The following MAP4K4 variants were observed in gnomAD, a reference collection of about 807,000 sequenced individuals.
The protein encoded by MAP4K4 is mitogen-activated protein kinase kinase kinase kinase 4.
In MAP4K4, 38 loss-of-function variants were observed where a neutral mutation model predicts 189.6. The observed-to-expected ratio is 0.20, with a 90% CI of 0.15 to 0.26. The LOEUF (loss-of-function observed/expected upper bound fraction) is 0.26. Among genes scored for constraint, MAP4K4 ranks in the 10% least tolerant of loss-of-function variants. MAP4K4 has a pLI of 1.00. For synonymous variants in MAP4K4, 610 were observed against 624.3 expected, an observed-to-expected ratio of 0.98 and a Z score of 0.34; for missense variants, 1,054 against 1,726.9, an observed-to-expected ratio of 0.61 and a Z score of 6.91.
intron 2 of MAP4K4, among the ~76,000 whole-genome samples, chr2:101,779,182 G>C (rs527358809): frequency 6.6e-6 from 1 of 152,270 alleles, no homozygotes; most frequent in South Asian, 2.1e-4. Flanking sequence ...GAGTGAGAGA[G>C]GAGGTTTGTT....
At chr2:101,852,120 G>A (rs985008486) in intron 12 of MAP4K4, among the ~76,000 whole-genome samples, 1 of 151,560 alleles carries the variant, frequency 6.6e-6, no homozygotes, top group Admixed American at 6.6e-5. Flanking sequence ...TACAATATCT[G>A]GAGGCATAAA....
chr2:101,742,354 A>G (rs769532692), intron 2 of MAP4K4, among the ~76,000 whole-genome samples: 4 of 152,186 alleles, frequency 2.6e-5, no homozygotes, highest in African/African-American at 4.8e-5. Flanking sequence ...TTTTGTCTTC[A>G]GTGGCCTCTT....
exon 17 of MAP4K4, chr2:101,863,908 G>T (rs764086480): frequency 4.4e-6 from 6 of 1,367,624 alleles, no homozygotes; most frequent in Non-Finnish European, 5.9e-6. Flanking sequence ...TCCCAAATTT[G>T]CACACCACCA....
intron 3 of MAP4K4, among the ~76,000 whole-genome samples, chr2:101,822,805 A>G (rs140048810): frequency 9.5e-4 from 145 of 152,326 alleles, no homozygotes; most frequent in African/African-American, 3.4e-3. Context: ...GTCAGTGTAG[A>G]AAAGTAAGGA....
chr2:101,805,692 C>A (rs1361224488), intron 3 of MAP4K4, among the ~76,000 whole-genome samples: 1 of 152,194 alleles, frequency 6.6e-6, no homozygotes, highest in Non-Finnish European at 1.5e-5. Context: ...TATTTTCTGA[C>A]TTAATTGTAT....
At chr2:101,880,705 C>T (rs2150192823) in intron 27 of MAP4K4, among the ~76,000 whole-genome samples, 1 of 152,220 alleles carries the variant, frequency 6.6e-6, no homozygotes, top group East Asian at 1.9e-4. Context: ...GACAGGGTTT[C>T]ACCATGTTGG....
At chr2:101,741,210 C>T (rs1199202019) in intron 2 of MAP4K4, among the ~76,000 whole-genome samples, 5 of 148,100 alleles carry the variant, frequency 3.4e-5, no homozygotes, top group Non-Finnish European at 4.4e-5. Context: ...CTCTGTTGCC[C>T]AGGCTGGAGT....
chr2:101,885,329 A>T (rs1181414253), intron 29 of MAP4K4, 42 bp downstream of exon 29: 1 of 1,163,788 alleles, frequency 8.6e-7, no homozygotes, highest in South Asian at 1.4e-5. Context: ...TTGGCCATTC[A>T]AGCTGCAACC....
intron 16 of MAP4K4, 26 bp from the exon 17 acceptor site, chr2:101,863,795 T>C (rs745474580): frequency 1.5e-6 from 2 of 1,339,418 alleles, no homozygotes; most frequent in South Asian, 2.3e-5. Flanking sequence ...ACGCATTGAA[T>C]GTTTTGTGTT....
chr2:101,807,759 A>T (rs1227389152), intron 3 of MAP4K4, among the ~76,000 whole-genome samples: 1 of 152,104 alleles, frequency 6.6e-6, no homozygotes, highest in Non-Finnish European at 1.5e-5. Flanking sequence ...CAAGATAGAG[A>T]AAGAAAGAGT....
intron 2 of MAP4K4, among the ~76,000 whole-genome samples, chr2:101,744,537 C>T (rs1004732701): frequency 2.0e-5 from 3 of 152,032 alleles, no homozygotes; most frequent in African/African-American, 7.2e-5. Context: ...ATTTGTAGAG[C>T]CTACCTTTTG....
At chr2:101,756,014 C>T (rs796710186) in intron 2 of MAP4K4, among the ~76,000 whole-genome samples, 2 of 137,824 alleles carry the variant, frequency 1.5e-5, no homozygotes, top group South Asian at 2.4e-4. Context: ...GATGTCGGCT[C>T]ACTGCAAGCT....
intron 2 of MAP4K4, among the ~76,000 whole-genome samples, chr2:101,745,575 A>G (rs1293471815): frequency 1.3e-5 from 2 of 152,034 alleles, no homozygotes; most frequent in East Asian, 1.9e-4. Flanking sequence ...GATATGTCCA[A>G]ATTTGAAATG....
intron 5 of MAP4K4, 125 bp downstream of exon 5, chr2:101,825,554 G>C (rs550435751): frequency 1.9e-6 from 1 of 533,584 alleles, no homozygotes; most frequent in South Asian, 3.3e-5. Context: ...TGACAGCCAA[G>C]GGTTCTGTAT....
At chr2:101,892,008 AAAAAAAAG>A (rs1467383916) in exon 33 of MAP4K4, 1 of 150,858 alleles carries the variant, frequency 6.6e-6, no homozygotes, top group Non-Finnish European at 1.5e-5. Flanking sequence ...AAAAAAAAAA[AAAAAAAAG>A]GAAAAAAAAA....
chr2:101,757,860 A>G (rs2073715911), intron 2 of MAP4K4, among the ~76,000 whole-genome samples: 1 of 152,196 alleles, frequency 6.6e-6, no homozygotes, highest in African/African-American at 2.4e-5. Context: ...TCTCTACTAA[A>G]AATAGAAAAA....
At chr2:101,809,607 A>G (rs1425322707) in intron 3 of MAP4K4, among the ~76,000 whole-genome samples, 2 of 152,252 alleles carry the variant, frequency 1.3e-5, no homozygotes, top group African/African-American at 2.4e-5. Context: ...CTTAAGTACT[A>G]TTTGAAACCT....
At chr2:101,732,435 G>A (rs1215848477) in intron 2 of MAP4K4, among the ~76,000 whole-genome samples, 2 of 152,016 alleles carry the variant, frequency 1.3e-5, no homozygotes, top group Non-Finnish European at 1.5e-5. Flanking sequence ...TATAAAATTC[G>A]GGGGAGTTTT....
chr2:101,758,030 CA>C (rs1397137131), intron 2 of MAP4K4, among the ~76,000 whole-genome samples: 2 of 152,084 alleles, frequency 1.3e-5, no homozygotes, highest in Non-Finnish European at 2.9e-5. Context: ...TCTCAAAAAA[CA>C]AACAAACAAA....
Sources: gnomAD v4.1 joint callset for allele counts (sites outside exome capture counted in the v4.1 genomes callset) on GRCh38, gnomAD v4.1.1 for gene constraint, MANE v1.5 for transcripts, NCBI Gene and HGNC (gene_info 2026-07-23, HGNC 2026-07-21) for gene names.